RAB9B: variants seen among roughly 807,000 people sequenced by gnomAD.
RAB9B encodes the protein ras-related protein Rab-9B.
Under a neutral mutation model 8.9 loss-of-function variants are expected in RAB9B, and 1 was observed. The ratio of observed to expected loss-of-function variants is 0.11; its 90% CI spans 0.04 to 0.53. RAB9B has a LOEUF of 0.53. Among genes scored for constraint, RAB9B ranks in the 20% least tolerant of loss-of-function variants. The probability of loss-of-function intolerance (pLI) is 0.93; values close to 1 mark genes in which losing one functional copy is unlikely to be tolerated. For synonymous variants in RAB9B, 63 were observed against 57.0 expected (o/e 1.10, Z -0.47); for missense variants, 82 against 152.9 (o/e 0.54, Z 2.45).
chrX:103,781,358 T>A, the RAB9B span: 6 of 308,039 alleles, frequency 1.9e-5, no homozygotes, highest in South Asian at 1.4e-4. Context: ...TGAAGAGCGC[T>A]GGTGAGAAGG....
At chrX:103,787,688 T>C in the RAB9B span, 5 of 661,442 alleles carry the variant, frequency 7.6e-6, no homozygotes, top group Non-Finnish European at 1.3e-5. Flanking sequence ...AGGAGAGCCC[T>C]GGAACCTGGT....
At chrX:103,802,695 G>A in the RAB9B span, among the ~76,000 whole-genome samples, 4 of 111,791 alleles carry the variant, frequency 3.6e-5, no homozygotes, top group East Asian at 1.1e-3. Flanking sequence ...CCCATTTAAA[G>A]TGTGCAATCC....
the RAB9B span, among the ~76,000 whole-genome samples, chrX:103,813,471 C>T: frequency 3.2e-5 from 3 of 95,211 alleles, no homozygotes; most frequent in Admixed American, 1.2e-4. Flanking sequence ...TTTGTTTGTT[C>T]GTTTGTTTTT....
chrX:103,787,519 A>G, the RAB9B span: 2 of 413,317 alleles, frequency 4.8e-6, no homozygotes, highest in Non-Finnish European at 8.5e-6. Flanking sequence ...TTTACACCTT[A>G]TCTGCCCAAA....
the RAB9B span, among the ~76,000 whole-genome samples, chrX:103,797,729 G>T: frequency 1.3e-4 from 15 of 111,122 alleles, no homozygotes; most frequent in East Asian, 4.0e-3. Flanking sequence ...ATGGCCACTT[G>T]GCTCTATTTA....
the RAB9B span, among the ~76,000 whole-genome samples, chrX:103,802,560 A>C: frequency 8.9e-6 from 1 of 111,926 alleles, no homozygotes; most frequent in South Asian, 3.7e-4. Flanking sequence ...GGAAATGACT[A>C]GGTTATTCTT....
At chrX:103,803,083 T>G in the RAB9B span, among the ~76,000 whole-genome samples, 4 of 112,296 alleles carry the variant, frequency 3.6e-5, no homozygotes, top group Non-Finnish European at 7.5e-5. Flanking sequence ...TGACACATTT[T>G]GTTTATCTAT....
chrX:103,793,618 T>A, the RAB9B span, among the ~76,000 whole-genome samples: 1 of 111,155 alleles, frequency 9.0e-6, no homozygotes, highest in African/African-American at 3.3e-5. Context: ...AGTGATTGTA[T>A]TTTTGCCTCA....
chrX:103,792,910 C>G, the RAB9B span, among the ~76,000 whole-genome samples: 1 of 112,249 alleles, frequency 8.9e-6, no homozygotes, highest in Non-Finnish European at 1.9e-5. Context: ...CTTTTCTCTT[C>G]GAAGTTGGGT....
chrX:103,777,978 A>G, the RAB9B span, among the ~76,000 whole-genome samples: 1 of 112,555 alleles, frequency 8.9e-6, no homozygotes, highest in African/African-American at 3.2e-5. Context: ...ATCAATTTGC[A>G]ATTATACTGA....
At chrX:103,817,439 G>A (rs181554804), downstream of RAB9B, among the ~76,000 whole-genome samples, 21 of 110,427 alleles carry the variant, frequency 1.9e-4, no homozygotes, top group East Asian at 5.7e-3. Context: ...AAGGGTTGGG[G>A]GCTAGGGGAG....
At chrX:103,809,070 AG>A in the RAB9B span, among the ~76,000 whole-genome samples, 1 of 112,101 alleles carries the variant, frequency 8.9e-6, no homozygotes, top group East Asian at 2.8e-4. Flanking sequence ...GGAGGTAATT[AG>A]GTTTAGATGA....
rs1007682099 is a variant in RAB9B, at chrX:103,823,399, T to C, written c.*1780A>G. 4.5e-5 allele frequency: 5 copies of C among 111,746 alleles called. No individual in the cohort carries two copies. The highest frequency in any genetic ancestry group is 1.3e-4 in the African/African-American group (4 of 30,690). 9.2% of individuals were successfully genotyped at this position (111,746 alleles called of 1,213,427 possible). A position where few individuals can be genotyped will look rare whatever the true frequency, so the allele number is the denominator to read the frequency against. ...ATTGAGTATGACTGAGTTGAAATAC[T>C]GTCCTCTTCTTTTCTATTTGGCCAA... On this transcript the variant is annotated 3_prime_UTR_variant, in exon 3 of 3. Coordinates refer to ENST00000243298, the MANE Select transcript of RAB9B (RefSeq NM_016370.4).
chrX:103,800,710 C>T, the RAB9B span, among the ~76,000 whole-genome samples: 1 of 111,694 alleles, frequency 9.0e-6, no homozygotes, highest in African/African-American at 3.3e-5. Context: ...CGTGAGAGAC[C>T]TTGTCTGGCA....
In RAB9B at chrX:103,823,036, T is replaced by C. The variant is rs1332382908; in HGVS notation, c.*2143A>G. On this transcript the variant is annotated 3_prime_UTR_variant, in exon 3 of 3. Coordinates refer to ENST00000243298, the MANE Select transcript of RAB9B (RefSeq NM_016370.4). ...CTCAAATGACCACATGCCACTCTAA[T>C]AGAGACAAATACTTTTGTGAGTTGA... The C allele has an allele frequency of 4.5e-5, 5 of 110,709 alleles. No individual in the cohort carries two copies. The highest frequency in any genetic ancestry group is 9.7e-5 in the Admixed American group (1 of 10,330). The allele number at this position is 110,709 out of a possible 1,213,427, so 9.1% of individuals were successfully genotyped here.
At chrX:103,778,800 C>T in the RAB9B span, among the ~76,000 whole-genome samples, 1 of 112,193 alleles carries the variant, frequency 8.9e-6, no homozygotes, top group South Asian at 3.7e-4. Context: ...TCATCTCTAA[C>T]AAGGTACTGG....
the RAB9B span, among the ~76,000 whole-genome samples, chrX:103,804,867 C>T: frequency 9.2e-6 from 1 of 109,101 alleles, no homozygotes; most frequent in Non-Finnish European, 1.9e-5. Flanking sequence ...ATCTTGTGTC[C>T]CGCTGAACTC....
the RAB9B span, chrX:103,781,270 T>A: frequency 9.4e-6 from 3 of 320,284 alleles, no homozygotes; most frequent in Non-Finnish European, 1.8e-5. Flanking sequence ...AGAGACAGCA[T>A]CAGGATCAAC....
At chrX:103,803,767 G>A in the RAB9B span, among the ~76,000 whole-genome samples, 96 of 111,768 alleles carry the variant, frequency 8.6e-4, no homozygotes, top group African/African-American at 2.6e-3. Flanking sequence ...TAGTAGAGAC[G>A]GAGTTTTACC....
Sources: allele counts gnomAD v4.1 joint callset (sites outside exome capture counted in the v4.1 genomes callset), GRCh38; gene constraint gnomAD v4.1.1; transcripts MANE v1.5; gene names NCBI Gene and HGNC (gene_info 2026-07-23, HGNC 2026-07-21).